Variants in EIF4G3 observed in about 807,000 individuals in gnomAD.
EIF4G3 encodes the protein eIF-4-gamma 3.
EIF4G3 carries 34 observed loss-of-function variants against 186.4 expected under a neutral mutation model. That is an observed-to-expected ratio of 0.18 (90% confidence interval 0.14 to 0.24). The LOEUF is 0.24. EIF4G3 is among the 10% of genes least tolerant of loss of function. The pLI is 1.00. For missense variants in EIF4G3, 1,536 were observed against 1,948.5 expected, an observed-to-expected ratio of 0.79 and a Z score of 3.99; for synonymous variants, 673 against 679.5, an observed-to-expected ratio of 0.99 and a Z score of 0.15.
chr1:21,159,390 T>C (rs555524856), intron 2 of EIF4G3, among the ~76,000 whole-genome samples: 3 of 149,290 alleles, frequency 2.0e-5, no homozygotes, highest in Admixed American at 6.7e-5. Flanking sequence ...CAGTGAGCTA[T>C]GATCAAACTT....
intron 1 of EIF4G3, 144 bp downstream of exon 1, chr1:21,176,578 G>GCCGCCGCCGCCGCCGCCGCCT (rs2098115221): frequency 1.9e-5 from 3 of 159,810 alleles, no homozygotes; most frequent in Non-Finnish European, 3.9e-5. Flanking sequence ...CGCCGCCGCC[G>GCCGCCGCCGCCGCCGCCGCCT]CCGCCGCCGC....
intron 2 of EIF4G3, among the ~76,000 whole-genome samples, chr1:21,151,943 G>C (rs1388120914): frequency 6.6e-6 from 1 of 152,126 alleles, no homozygotes; most frequent in Non-Finnish European, 1.5e-5. Context: ...TAAAAGACAA[G>C]TTCAAACAAA....
intron 30 of EIF4G3, among the ~76,000 whole-genome samples, chr1:20,832,524 G>A (rs1571289740): frequency 6.9e-6 from 1 of 144,264 alleles, no homozygotes; most frequent in Non-Finnish European, 1.5e-5. Flanking sequence ...TTTGTCAGAT[G>A]AGTAGGTTGC....
At chr1:20,844,666 AC>A (rs1557882078) in intron 29 of EIF4G3, among the ~76,000 whole-genome samples, 1 of 152,098 alleles carries the variant, frequency 6.6e-6, no homozygotes, top group Non-Finnish European at 1.5e-5. Flanking sequence ...CCCCGTCTCT[AC>A]TAAAAATACA....
At chr1:20,870,038 T>C (rs563090302) in intron 20 of EIF4G3, among the ~76,000 whole-genome samples, 21 of 152,042 alleles carry the variant, frequency 1.4e-4, no homozygotes, top group African/African-American at 4.8e-4. Context: ...CAAAAGGGAG[T>C]GGTCAGTTAT....
At chr1:20,900,233 C>T (rs2089820345) in intron 15 of EIF4G3, among the ~76,000 whole-genome samples, 1 of 152,130 alleles carries the variant, frequency 6.6e-6, no homozygotes, top group Non-Finnish European at 1.5e-5. Context: ...ATCCATGGAA[C>T]TTTATGAACA....
At position 20,864,660 on chromosome 1, in the gene EIF4G3, G is replaced by C. The variant is rs752262817; in HGVS notation, c.2822C>G (p.Ala941Gly). Reference sequence around the variant, plus strand: ...GATGTTGCCAATGGATCTCCGCCGGGCTTTGTCCTTGGCTTCTTCCAGTTC... The same window carrying C: ...GATGTTGCCAATGGATCTCCGCCGGCCTTTGTCCTTGGCTTCTTCCAGTTC... The part of the protein sequence containing the change: ...HDELEEAKDK[A>G]RRRSIGNIKF... Residue 941 changes from alanine to glycine, a missense_variant, in exon 22 of 37, where the codon GCC (alanine) becomes GGC (glycine). By Grantham distance (60) the Ala-to-Gly change is moderately conservative (BLOSUM62 0). This residue lies in a region of EIF4G3 where 77 missense variants were observed against 131.6 expected (regional missense o/e 0.59). Coordinates refer to ENST00000602326, the MANE Select transcript of EIF4G3 (RefSeq NM_001391906.1). 1 of 1,614,146 alleles carries C rather than the reference G, an allele frequency of 6.2e-7. No homozygotes were observed. Among genetic ancestry groups the C allele is most frequent in the South Asian group, 1.1e-5 (1 of 91,082 alleles).
In EIF4G3 at chr1:20,950,024, C is replaced by A; in HGVS notation, c.802G>T (p.Ala268Ser). Residue 268 changes from alanine to serine, a missense_variant, in exon 13 of 37, where the codon GCA (alanine) becomes TCA (serine). Ala to Ser is a moderately conservative substitution (Grantham distance 99, BLOSUM62 1). Coordinates refer to ENST00000602326, the MANE Select transcript of EIF4G3 (RefSeq NM_001391906.1). ...AAACCTTGCTTCTGGTCGCTAGCTG[C>A]AGTGACAGGGGTGCTGGCAGCAAGA... ...AHLAASTPVTAASDQKQEEKP... is the reference protein window; with the variant it reads ...AHLAASTPVTSASDQKQEEKP... 6.2e-7 allele frequency: 1 copy of A among 1,613,496 alleles called. No individual in the cohort carries two copies. The highest frequency in any genetic ancestry group is 2.2e-5 in the East Asian group (1 of 44,832).
chr1:20,882,449 G>A (rs1320533830), intron 19 of EIF4G3, among the ~76,000 whole-genome samples: 7 of 151,752 alleles, frequency 4.6e-5, no homozygotes, highest in South Asian at 2.1e-4. Context: ...GTGAAACCCC[G>A]TCTCTACTAA....
intron 14 of EIF4G3, among the ~76,000 whole-genome samples, chr1:20,912,534 G>C (rs911297873): frequency 3.9e-5 from 6 of 152,132 alleles, no homozygotes; most frequent in African/African-American, 1.4e-4. Flanking sequence ...AGATTGAAGT[G>C]ACACAAAACT....
chr1:20,992,739 G>A (rs1162526239), intron 7 of EIF4G3, among the ~76,000 whole-genome samples: 1 of 152,102 alleles, frequency 6.6e-6, no homozygotes, highest in Non-Finnish European at 1.5e-5. Flanking sequence ...TTCTCATAAT[G>A]AAAAGACTAC....
intron 2 of EIF4G3, among the ~76,000 whole-genome samples, chr1:21,126,864 A>T (rs1567129): frequency 0.94 from 143,548 of 152,166 alleles, 68,264 homozygotes; most frequent in Middle Eastern, 1. Context: ...TATTTGCATA[A>T]AACCTATGCA....
chr1:20,934,779 G>C (rs1430032529), intron 14 of EIF4G3, among the ~76,000 whole-genome samples: 2 of 151,990 alleles, frequency 1.3e-5, no homozygotes, highest in Non-Finnish European at 2.9e-5. Context: ...TTTTTCAAAA[G>C]GAAAAAGAGG....
At chr1:21,121,356 T>C (rs1214021719) in intron 2 of EIF4G3, among the ~76,000 whole-genome samples, 1 of 152,218 alleles carries the variant, frequency 6.6e-6, no homozygotes, top group African/African-American at 2.4e-5. Flanking sequence ...GCAGAGTTTG[T>C]AGTGTAATTT....
chr1:20,810,620 T>C lies in EIF4G3; in HGVS notation c.4744+118A>G. 1 of 1,200,118 alleles carries C rather than the reference T, an allele frequency of 8.3e-7. No individual in the cohort carries two copies. The allele number at this position is 1,200,118 out of a possible 1,614,324, so 74.3% of individuals were successfully genotyped here. A position where few individuals can be genotyped will look rare whatever the true frequency, so the allele number is the denominator to read the frequency against. On this transcript the variant is annotated intron_variant, in intron 36 of 36. Coordinates refer to ENST00000602326, the MANE Select transcript of EIF4G3 (RefSeq NM_001391906.1). This position sits in a 1 kb window ranked among gnomAD's most constrained non-coding sequence, Gnocchi z 4.1. ...AATTTATTAAAGTTAGTTATATGAG[T>C]TTGTGTTATTAGTGATTCTTTTATT...
intron 30 of EIF4G3, among the ~76,000 whole-genome samples, chr1:20,840,436 T>C (rs530014392): frequency 1.2e-3 from 184 of 152,378 alleles, no homozygotes; most frequent in Non-Finnish European, 1.9e-3. Context: ...CTAGCCACAA[T>C]AACCATGGTT....
intron 30 of EIF4G3, among the ~76,000 whole-genome samples, chr1:20,836,706 T>C (rs2066862720): frequency 6.6e-6 from 1 of 152,248 alleles, no homozygotes; most frequent in African/African-American, 2.4e-5. Flanking sequence ...TTTGTGTCTA[T>C]TGTCCACTCT....
At chr1:20,922,527 C>T (rs1411701181) in intron 14 of EIF4G3, among the ~76,000 whole-genome samples, 1 of 152,164 alleles carries the variant, frequency 6.6e-6, no homozygotes, top group Non-Finnish European at 1.5e-5. Flanking sequence ...AAACTCCCAA[C>T]CTCAGATAAT....
chr1:21,143,936 A>C (rs943222726), intron 2 of EIF4G3, among the ~76,000 whole-genome samples: 5 of 152,216 alleles, frequency 3.3e-5, no homozygotes, highest in Admixed American at 1.3e-4. Context: ...AAAAGAAAAA[A>C]CTTATTTATA....
Sources: gnomAD v4.1 joint callset for allele counts (sites outside exome capture counted in the v4.1 genomes callset) on GRCh38, gnomAD v4.1.1 for gene constraint, gnomAD v4.1.1 regional missense constraint, Gnocchi (gnomAD v3.1) non-coding constraint, MANE v1.5 for transcripts, NCBI Gene and HGNC (gene_info 2026-07-23, HGNC 2026-07-21) for gene names.